Variants in DPP10 observed in about 807,000 individuals in gnomAD.
DPP10 encodes the protein inactive dipeptidyl peptidase 10.
DPP10 carries 33 observed loss-of-function variants against 120.9 expected under a neutral mutation model. That is an observed-to-expected ratio of 0.27 (90% CI 0.21 to 0.37). The LOEUF is 0.37. Among genes scored for constraint, DPP10 ranks in the 10% least tolerant of loss-of-function variants. DPP10 has a pLI of 1.00. For synonymous variants in DPP10, 337 were observed against 326.1 expected (o/e 1.03, Z -0.36); for missense variants, 816 against 942.8 (o/e 0.87, Z 1.76).
intron 1 of DPP10, among the ~76,000 whole-genome samples, chr2:114,971,962 C>T (rs879877096): frequency 6.6e-6 from 1 of 152,158 alleles, no homozygotes; most frequent in Non-Finnish European, 1.5e-5. Flanking sequence ...AGCCTGAAAA[C>T]TTGGATTCAG....
rs1245759526 is a variant in DPP10, at chr2:115,727,752, T to C, written c.577-64T>C. 9 of 1,506,376 alleles carry C rather than the reference T, an allele frequency of 6.0e-6. No homozygotes were observed. The Admixed American group carries it at 1.9e-4, about 32-fold the overall frequency. 93.3% of individuals were successfully genotyped at this position (1,506,376 alleles called of 1,614,324 possible). ...GCTATTCAGTGATCATTCTGTAATA[T>C]TAAAGTTTCAAAAGGCATCCTAACG... is the stretch of plus-strand genomic sequence containing the variant. On this transcript the variant is annotated intron_variant, in intron 7 of 25. Transcript: ENST00000410059.
At chr2:115,735,102 G>A (rs528809441) in intron 8 of DPP10, among the ~76,000 whole-genome samples, 21 of 152,148 alleles carry the variant, frequency 1.4e-4, no homozygotes, top group Admixed American at 5.2e-4. Flanking sequence ...TAAATTCCAC[G>A]CACCCACTTC....
intron 1 of DPP10, among the ~76,000 whole-genome samples, chr2:114,621,317 A>C (rs751930282): frequency 1.3e-5 from 2 of 152,058 alleles, no homozygotes; most frequent in Non-Finnish European, 2.9e-5. Context: ...AGTAAAGCTC[A>C]CCTTTGTTAA....
intron 1 of DPP10, among the ~76,000 whole-genome samples, chr2:114,707,432 T>C (rs1256149248): frequency 6.6e-6 from 1 of 152,220 alleles, no homozygotes; most frequent in Non-Finnish European, 1.5e-5. Flanking sequence ...TGTTAGTTGT[T>C]ACCATCACTA....
chr2:115,199,758 A>G (rs997107008), intron 1 of DPP10, among the ~76,000 whole-genome samples: 1 of 152,096 alleles, frequency 6.6e-6, no homozygotes, highest in African/African-American at 2.4e-5. Context: ...TTGTATTATG[A>G]TTTGCTTTTT....
intron 3 of DPP10, among the ~76,000 whole-genome samples, chr2:115,419,026 C>A (rs750375599): frequency 5.3e-5 from 8 of 151,920 alleles, no homozygotes; most frequent in African/African-American, 1.9e-4. Context: ...TTGTTTTTAC[C>A]AAAGTCTACT....
At position 115,791,306 on chromosome 2, in the gene DPP10, C is replaced by T. The variant is rs376912131; in HGVS notation, c.1650C>T (p.Ser550=). Reference sequence around the variant, plus strand: ...TAAAAGAACTTCCTTTACAGTTGTCCCTTCCCAAAGATTTTATGGACCGAA... The same window carrying T: ...TAAAAGAACTTCCTTTACAGTTGTCTCTTCCCAAAGATTTTATGGACCGAA... ...IDDYELPLQL[S]LPKDFMDRNQ... is the part of the protein sequence containing the mutation. The change falls in exon 19 of 26, where the codon TCC becomes TCT. Residue 550 remains serine (S), a synonymous_variant. Transcript: ENST00000410059. 132 of 1,611,786 alleles carry T rather than the reference C, an allele frequency of 8.2e-5. No individual in the cohort carries two copies. In the Middle Eastern group the frequency reaches 2.3e-3, roughly 28 times the overall value.
chr2:115,628,432 G>T lies in DPP10; in HGVS notation c.442-61255G>T, dbSNP rs1304907112. On this transcript the variant is annotated intron_variant, in intron 5 of 25. Transcript: ENST00000410059. Reference sequence around the variant, plus strand: ...TTTGGATATTAGACCCTTGTCAGATGGATAAATTGGAAAAATTTTCTCCCA... The same window carrying T: ...TTTGGATATTAGACCCTTGTCAGATTGATAAATTGGAAAAATTTTCTCCCA... Among the ~76,000 whole-genome samples, 4 of 152,018 alleles carry T rather than the reference G, an allele frequency of 2.6e-5. No individual in the cohort carries two copies. The East Asian group carries it at 7.7e-4, about 29-fold the overall frequency.
chr2:114,448,752 A>G (rs1188226732), intron 1 of DPP10, among the ~76,000 whole-genome samples: 3 of 152,190 alleles, frequency 2.0e-5, no homozygotes, highest in Non-Finnish European at 4.4e-5. Flanking sequence ...ACTTAGGGTT[A>G]TTAAGTAACA....
intron 7 of DPP10, among the ~76,000 whole-genome samples, chr2:115,701,531 G>A (rs748348132): frequency 2.0e-5 from 3 of 152,062 alleles, no homozygotes; most frequent in Non-Finnish European, 4.4e-5. Flanking sequence ...AGGAATAAAT[G>A]AATTGAATCA....
intron 5 of DPP10, among the ~76,000 whole-genome samples, chr2:115,565,770 TTTTTTTTTG>T (rs1558858666): frequency 7.1e-4 from 27 of 38,014 alleles, no homozygotes; most frequent in African/African-American, 1.5e-3. Context: ...GTTTGTTTTG[TTTTTTTTTG>T]TTTTTTTTTG....
At chr2:114,487,966 A>G (rs954911543) in intron 1 of DPP10, among the ~76,000 whole-genome samples, 7 of 152,248 alleles carry the variant, frequency 4.6e-5, no homozygotes, top group Admixed American at 3.9e-4. Flanking sequence ...ATTGAAAAGT[A>G]AATCACAGAG....
At chr2:115,367,207 T>C (rs1574576844) in intron 3 of DPP10, among the ~76,000 whole-genome samples, 2 of 151,950 alleles carry the variant, frequency 1.3e-5, no homozygotes, top group South Asian at 4.1e-4. Context: ...AATAGTACCA[T>C]GGCATAGAGT....
At chr2:114,679,029 C>T (rs1039148839) in intron 1 of DPP10, among the ~76,000 whole-genome samples, 4 of 152,136 alleles carry the variant, frequency 2.6e-5, no homozygotes, top group Middle Eastern at 3.4e-3. Flanking sequence ...TCTGCTTTAG[C>T]GCACAGACTT....
At chr2:115,200,106 G>C (rs2055586830) in intron 1 of DPP10, among the ~76,000 whole-genome samples, 1 of 152,110 alleles carries the variant, frequency 6.6e-6, no homozygotes, top group South Asian at 2.1e-4. Context: ...AGTGCTTTTT[G>C]TTCCCCCACA....
At chr2:115,004,083 G>T (rs556675332) in intron 1 of DPP10, among the ~76,000 whole-genome samples, 1 of 152,216 alleles carries the variant, frequency 6.6e-6, no homozygotes, top group East Asian at 1.9e-4. Context: ...ATAAAACTTA[G>T]CAAGGTCAGT....
chr2:115,667,811 T>C (rs1320947796), intron 5 of DPP10, among the ~76,000 whole-genome samples: 1 of 151,972 alleles, frequency 6.6e-6, no homozygotes, highest in Non-Finnish European at 1.5e-5. Context: ...TCTAGCACTT[T>C]TATTTCCTTC....
chr2:115,684,396 G>A (rs1167999374), intron 5 of DPP10, among the ~76,000 whole-genome samples: 1 of 151,708 alleles, frequency 6.6e-6, no homozygotes, highest in Admixed American at 6.6e-5. Flanking sequence ...CATTATCCTA[G>A]AACAAACTTG....
At chr2:114,697,540 G>A (rs1700136541) in intron 1 of DPP10, among the ~76,000 whole-genome samples, 2 of 151,864 alleles carry the variant, frequency 1.3e-5, no homozygotes, top group Admixed American at 6.6e-5. Flanking sequence ...CATGAGGTCA[G>A]CAATTCAAGA....
Sources: gnomAD v4.1 joint callset for allele counts (sites outside exome capture counted in the v4.1 genomes callset) on GRCh38, gnomAD v4.1.1 for gene constraint, MANE v1.5 for transcripts, NCBI Gene and HGNC (gene_info 2026-07-23, HGNC 2026-07-21) for gene names.